Variants in VARS1 observed in about 807,000 individuals in gnomAD.
VARS1 encodes the protein valine--tRNA ligase.
In VARS1, 92 loss-of-function variants were observed where a neutral mutation model predicts 161.0. The ratio of observed to expected loss-of-function variants is 0.57; its 90% CI spans 0.48 to 0.68. VARS1 has a LOEUF of 0.68. VARS1 is among the 30% of genes least tolerant of loss of function. The probability of loss-of-function intolerance (pLI) is 0.00; values close to 1 mark genes in which losing one functional copy is unlikely to be tolerated. For missense variants in VARS1, 1,338 were observed against 1,695.9 expected (o/e 0.79, Z 3.71); for synonymous variants, 595 against 682.5 (o/e 0.87, Z 2.00).
Position 31,793,079 on chromosome 6 carries a change from C to T in VARS1, c.429G>A (p.Glu143=). 1.2e-6 allele frequency: 2 copies of T among 1,612,622 alleles called. No homozygotes were observed. Among genetic ancestry groups the T allele is most frequent in the South Asian group, 2.2e-5 (2 of 91,066 alleles). The change falls in exon 3 of 30, where the codon GAG becomes GAA. Residue 143 remains glutamate (E), a synonymous_variant. Coordinates refer to ENST00000375663, the MANE Select transcript of VARS1 (RefSeq NM_006295.3). The part of the protein sequence containing the change: ...GALGRALSPL[E]EWLRLHTYLA... ...AGTAGGTGTGCAGCCGAAGCCACTCCTCCAAGGGGCTCAGGGCCCTGCCCA... is the reference window on the plus strand; with the variant it reads ...AGTAGGTGTGCAGCCGAAGCCACTCTTCCAAGGGGCTCAGGGCCCTGCCCA...
chr6:31,795,282 G>C lies in VARS1; in HGVS notation c.-33-32C>G. On this transcript the variant is annotated intron_variant, in intron 1 of 29. Coordinates refer to ENST00000375663, the MANE Select transcript of VARS1 (RefSeq NM_006295.3). This position sits in a 1 kb window ranked among gnomAD's most constrained non-coding sequence, Gnocchi z 6.9. ...AGAAAGAGAGACAGGGGAAGACTGC[G>C]GGATCGAGGTGGGTCCTATGTTTGA... The C allele has an allele frequency of 1.5e-6, 2 of 1,347,934 alleles. No individual in the cohort carries two copies. The highest frequency in any genetic ancestry group is 1.9e-6 in the Non-Finnish European group (2 of 1,045,294). The allele number at this position is 1,347,934 out of a possible 1,614,324, so 83.5% of individuals were successfully genotyped here.
rs1415186153 is a variant in VARS1 at position 31,794,936 on chromosome 6, G to A, written c.282C>T (p.Val94=). 2 of 1,612,864 alleles carry A rather than the reference G, an allele frequency of 1.2e-6. No individual in the cohort carries two copies. The highest frequency in any genetic ancestry group is 8.5e-7 in the Non-Finnish European group (1 of 1,179,954). The part of the protein sequence containing the change: ...LGGPGGSRAA[V]LVQQWVSYAD... ...CGTAACTGACCCACTGTTGGACAAG[G>A]ACAGCCGCCCGGCTGCCCCCTGGGC... Residue 94 remains valine (V), a synonymous_variant, in exon 2 of 30, where the codon GTC becomes GTT. Transcript: ENST00000375663.
intron 6 of VARS1, 73 bp from the exon 7 acceptor site, chr6:31,792,044 G>C: frequency 6.8e-7 from 1 of 1,477,006 alleles, no homozygotes; most frequent in Non-Finnish European, 9.1e-7. Flanking sequence ...TGGCAGAGAG[G>C]GATCGGGATC....
In VARS1 at chr6:31,785,717, C is replaced by A. The variant is rs1384830571; in HGVS notation, c.1117G>T (p.Glu373Ter). The change falls in exon 9 of 30, where the codon GAG becomes TAG. Residue 373 changes from glutamate to a stop codon, truncating the protein, a stop_gained. Coordinates refer to ENST00000375663, the MANE Select transcript of VARS1 (RefSeq NM_006295.3). LOFTEE classifies it high-confidence loss of function. This position sits in a 1 kb window ranked among gnomAD's most constrained non-coding sequence, Gnocchi z 6.1. Reference protein sequence around the residue: ...SLTRWHRMRGETTLWNPGCDH... With the variant: ...SLTRWHRMRG ...CAGCCAGGGTTCCACAGGGTGGTCTCCCCACGCATGCGGTGCCTGTTAGGG... is the reference window on the plus strand; with the variant it reads ...CAGCCAGGGTTCCACAGGGTGGTCTACCCACGCATGCGGTGCCTGTTAGGG... The A allele has an allele frequency of 6.2e-7, 1 of 1,611,862 alleles. No individual in the cohort carries two copies. Among genetic ancestry groups the A allele is most frequent in the African/African-American group, 1.3e-5 (1 of 75,056 alleles).
chr6:31,787,873 C>T (rs1439807638), intron 8 of VARS1, among the ~76,000 whole-genome samples: 2 of 152,048 alleles, frequency 1.3e-5, no homozygotes, highest in African/African-American at 4.8e-5. Context: ...AATCCCAGCA[C>T]TTTGGGACGC....
In VARS1 at chr6:31,779,144, A is replaced by C; in HGVS notation, c.3549T>G (p.Asp1183Glu). The change falls in exon 29 of 30, where the codon GAT becomes GAG. Residue 1183 changes from aspartate (D) to glutamate (E), a missense_variant. Physicochemically the swap from Asp to Glu is conservative, Grantham distance 45 (BLOSUM62 2). This residue lies in a region of VARS1 where 433 missense variants were observed against 586.2 expected (regional missense o/e 0.74). Transcript: ENST00000375663. This position sits in a 1 kb window ranked among gnomAD's most constrained non-coding sequence, Gnocchi z 9.1. ...PQGCAVALAS[D>E]RCSIHLQLQG... ...GAAGCTGCAGGTGGATGGAGCAGCGATCAGAAGCCAGAGCCACAGCGCAAC... is the reference window on the plus strand; with the variant it reads ...GAAGCTGCAGGTGGATGGAGCAGCGCTCAGAAGCCAGAGCCACAGCGCAAC... 1 of 1,605,838 alleles carries C rather than the reference A, an allele frequency of 6.2e-7. No individual in the cohort carries two copies. Among genetic ancestry groups the C allele is most frequent in the East Asian group, 2.2e-5 (1 of 44,740 alleles).
At chr6:31,792,134 GT>G in intron 6 of VARS1, 82 bp downstream of exon 6, 1 of 1,539,340 alleles carries the variant, frequency 6.5e-7, no homozygotes, top group Non-Finnish European at 8.9e-7. Context: ...ACCAAACAAA[GT>G]GGTGAGAGCA....
intron 2 of VARS1, among the ~76,000 whole-genome samples, chr6:31,793,846 T>C (rs1814063852): frequency 6.6e-6 from 1 of 152,074 alleles, no homozygotes; most frequent in African/African-American, 2.4e-5. Flanking sequence ...CTCACACCTA[T>C]AATCTCAGCA....
In VARS1 at chr6:31,779,877, G is replaced by T. The variant is rs547946661; in HGVS notation, c.3082-63C>A. The T allele has an allele frequency of 1.2e-6, 2 of 1,605,284 alleles. No individual in the cohort carries two copies. Among genetic ancestry groups the T allele is most frequent in the South Asian group, 1.1e-5 (1 of 90,660 alleles). On this transcript the variant is annotated intron_variant, in intron 26 of 29. Coordinates refer to ENST00000375663, the MANE Select transcript of VARS1 (RefSeq NM_006295.3). The surrounding 1 kb of genome is among the most constrained non-coding windows in gnomAD (Gnocchi z 9.1). ...CTAGCCTTGAGCCCTCGCTGTGCCT[G>T]TGAGGACTGGGAAGGGGATGGGTTG...
At chr6:31,783,037 G>A in intron 14 of VARS1, 59 bp downstream of exon 14, 1 of 1,584,970 alleles carries the variant, frequency 6.3e-7, no homozygotes, top group Non-Finnish European at 8.6e-7. Flanking sequence ...AGAGAAGATG[G>A]ACAGCTAGGG....
Position 31,779,643 on chromosome 6 carries a change from TA to T in VARS1, c.3252del (p.Ser1085AlafsTer28), listed in dbSNP as rs1401594599. On this transcript the variant is annotated frameshift_variant, in exon 27 of 30. Coordinates refer to ENST00000375663, the MANE Select transcript of VARS1 (RefSeq NM_006295.3). LOFTEE classifies it high-confidence loss of function. This position sits in a 1 kb window ranked among gnomAD's most constrained non-coding sequence, Gnocchi z 9.1. The part of the protein sequence containing the change: ...RLPRRMPQAP[P>X]SLCVTPYPEP... ...TCCGGGTAGGGGGTAACACAGAGGC[TA>T]GGGGGAGCTTGCGGCATCCTCCGGG... 1.9e-6 allele frequency: 3 copies of T among 1,612,704 alleles called. No homozygotes were observed. Among genetic ancestry groups the T allele is most frequent in the African/African-American group, 1.3e-5 (1 of 74,980 alleles).
chr6:31,780,377 C>A lies in VARS1; in HGVS notation c.2925+64G>T. 1 of 1,571,128 alleles carries A rather than the reference C, an allele frequency of 6.4e-7. No homozygotes were observed. The highest frequency in any genetic ancestry group is 1.2e-5 in the South Asian group (1 of 83,878). ...ATCTGTCCCCCCAGCTACATGGAGG[C>A]TGCTCCGGACAGGGGTACAGCCTGT... On this transcript the variant is annotated intron_variant, in intron 25 of 29. Coordinates refer to ENST00000375663, the MANE Select transcript of VARS1 (RefSeq NM_006295.3). The surrounding 1 kb of genome is among the most constrained non-coding windows in gnomAD (Gnocchi z 5.1).
Position 31,782,496 on chromosome 6 carries a change from C to G in VARS1, c.1991+34G>C. 1.2e-6 allele frequency: 2 copies of G among 1,612,778 alleles called. No homozygotes were observed. The highest frequency in any genetic ancestry group is 1.7e-6 in the Non-Finnish European group (2 of 1,179,922). On this transcript the variant is annotated intron_variant, in intron 16 of 29. Coordinates refer to ENST00000375663, the MANE Select transcript of VARS1 (RefSeq NM_006295.3). This position sits in a 1 kb window ranked among gnomAD's most constrained non-coding sequence, Gnocchi z 8.3. ...AGGCGGTAAAACCCTGAGGAGCCCT[C>G]CATCTTCCTCCCGTCCCAGGCCCCC...
rs907722058 is a variant in VARS1, at chr6:31,795,522, C to A, written c.-34+24G>T. The stretch of plus-strand genomic sequence containing the variant: ...GAGCGGGTCGGCGTCTGGTTGGATG[C>A]GGGTTCGAGCCGCGTGTACGTACTG... On this transcript the variant is annotated intron_variant, in intron 1 of 29. Coordinates refer to ENST00000375663, the MANE Select transcript of VARS1 (RefSeq NM_006295.3). The surrounding 1 kb of genome is among the most constrained non-coding windows in gnomAD (Gnocchi z 6.9). 7 of 294,006 alleles carry A rather than the reference C, an allele frequency of 2.4e-5. No homozygotes were observed. The highest frequency in any genetic ancestry group is 8.6e-5 in the African/African-American group (4 of 46,346). 18.2% of individuals were successfully genotyped at this position (294,006 alleles called of 1,614,324 possible).
In VARS1 at chr6:31,785,530, G is replaced by A. The variant is rs902132431; in HGVS notation, c.1265+39C>T. ...AGGTCTTCTGGATAGGGGACAGGGA[G>A]GCAGGGCTGCGATGCCCACAGGGAT... On this transcript the variant is annotated intron_variant, in intron 9 of 29. Transcript: ENST00000375663. The surrounding 1 kb of genome is among the most constrained non-coding windows in gnomAD (Gnocchi z 6.1). 3 of 1,557,126 alleles carry A rather than the reference G, an allele frequency of 1.9e-6. No individual in the cohort carries two copies. The African/African-American group carries it at 4.1e-5, about 21-fold the overall frequency.
Position 31,779,760 on chromosome 6 carries a change from G to A in VARS1, c.3136C>T (p.Arg1046Cys), listed in dbSNP as rs199535072. 7.5e-5 allele frequency: 121 copies of A among 1,612,892 alleles called. No homozygotes were observed. Among genetic ancestry groups the A allele is most frequent in the Non-Finnish European group, 5.3e-5 (62 of 1,180,014 alleles). Residue 1046 changes from arginine (R) to cysteine (C), a missense_variant, in exon 27 of 30, where the codon CGC (arginine) becomes TGC (cysteine). Around this residue, in one of 3 missense-constraint regions of VARS1, gnomAD observed 433 missense variants for 586.2 expected, o/e 0.74. Coordinates refer to ENST00000375663, the MANE Select transcript of VARS1 (RefSeq NM_006295.3). This position sits in a 1 kb window ranked among gnomAD's most constrained non-coding sequence, Gnocchi z 9.1. ...GVDQVAAECARQTLYTCLDVG... is the reference protein window; with the variant it reads ...GVDQVAAECACQTLYTCLDVG... ...TCCAGGCAAGTGTACAGGGTCTGGCGGGCACACTCAGCTGCCACCTGGTCC... is the reference window on the plus strand; with the variant it reads ...TCCAGGCAAGTGTACAGGGTCTGGCAGGCACACTCAGCTGCCACCTGGTCC...
rs538414410 is a variant in VARS1 at position 31,780,811 on chromosome 6, G to A, written c.2719-28C>T. The A allele has an allele frequency of 3.5e-5, 57 of 1,614,120 alleles. No homozygotes were observed. The Middle Eastern group carries it at 6.6e-4, about 19-fold the overall frequency. ...ACAGGGAAGAGGCAGGGGGAGGAGC[G>A]TCCTCAGCCAGCCCCATCCACGCTG... is the stretch of plus-strand genomic sequence containing the variant. On this transcript the variant is annotated intron_variant, in intron 23 of 29. Transcript: ENST00000375663. This position sits in a 1 kb window ranked among gnomAD's most constrained non-coding sequence, Gnocchi z 5.1.
chr6:31,785,268 C>G lies in VARS1; in HGVS notation c.1325G>C (p.Arg442Pro), dbSNP rs762729609. ...CACAGGGTCCATGGTGAAACAGGCT[C>G]GATCCCAGTCCAAGGAGCTGCCAAG... ...KKLGSSLDWD[R>P]ACFTMDPKLS... The change falls in exon 10 of 30, where the codon CGA (arginine) becomes CCA (proline). Residue 442 changes from arginine to proline, a missense_variant. Transcript: ENST00000375663. This position sits in a 1 kb window ranked among gnomAD's most constrained non-coding sequence, Gnocchi z 6.1. The G allele has an allele frequency of 1.2e-6, 2 of 1,613,098 alleles. No individual in the cohort carries two copies. The highest frequency in any genetic ancestry group is 1.1e-5 in the South Asian group (1 of 91,088).
chr6:31,791,985 A>C lies in VARS1; in HGVS notation c.872-14T>G. ...GGCCACTGACATCTGGGGGAGAGGA[A>C]GGGAGGGCTCAGTGCCGTGGCTGGG... On this transcript the variant is annotated splice_polypyrimidine_tract_variant and intron_variant, in intron 6 of 29. Coordinates refer to ENST00000375663, the MANE Select transcript of VARS1 (RefSeq NM_006295.3). The surrounding 1 kb of genome is among the most constrained non-coding windows in gnomAD (Gnocchi z 5.0). The C allele has an allele frequency of 6.4e-7, 1 of 1,568,640 alleles. No homozygotes were observed. Among genetic ancestry groups the C allele is most frequent in the East Asian group, 2.3e-5 (1 of 44,176 alleles).
Sources: allele counts gnomAD v4.1 joint callset (sites outside exome capture counted in the v4.1 genomes callset), GRCh38; gene constraint gnomAD v4.1.1; regional missense constraint gnomAD v4.1.1; non-coding constraint Gnocchi (gnomAD v3.1); transcripts MANE v1.5; gene names NCBI Gene and HGNC (gene_info 2026-07-23, HGNC 2026-07-21).